The following CCDC73 variants were observed in gnomAD, a reference collection of about 807,000 sequenced individuals.
CCDC73 encodes coiled-coil domain containing 73, also known as coiled-coil domain-containing protein 73.
In CCDC73, 95 loss-of-function variants were observed where a neutral mutation model predicts 116.5. That is an observed-to-expected ratio of 0.82 (90% CI 0.69 to 0.97). The LOEUF (loss-of-function observed/expected upper bound fraction) is 0.97. Ranked by LOEUF, CCDC73 falls within the 50% of genes least tolerant of loss-of-function variation. CCDC73 has a pLI of 0.00. For synonymous variants in CCDC73, 398 were observed against 401.3 expected, an observed-to-expected ratio of 0.99 and a Z score of 0.10; for missense variants, 1,066 against 1,206.8, an observed-to-expected ratio of 0.88 and a Z score of 1.73.
At chr11:32,798,631 C>T (rs1427895964), upstream of CCDC73, among the ~76,000 whole-genome samples, 1 of 152,138 alleles carries the variant, frequency 6.6e-6, no homozygotes, top group Non-Finnish European at 1.5e-5. Flanking sequence ...ATTGTCATTA[C>T]AATTTTTAGG....
chr11:32,629,973 G>T (rs1190168611), intron 14 of CCDC73, among the ~76,000 whole-genome samples: 1 of 139,830 alleles, frequency 7.2e-6, no homozygotes, highest in Non-Finnish European at 1.5e-5. Flanking sequence ...TCAGGTTGAA[G>T]AAATATACCA....
chr11:32,814,434 A>G, the CCDC73 span, among the ~76,000 whole-genome samples: 3 of 152,212 alleles, frequency 2.0e-5, no homozygotes, highest in South Asian at 6.2e-4. Context: ...GAAAAGTGAA[A>G]TACTAGGTTT....
intron 1 of CCDC73, among the ~76,000 whole-genome samples, chr11:32,772,323 T>C (rs1415779700): frequency 6.6e-6 from 1 of 152,132 alleles, no homozygotes; most frequent in Non-Finnish European, 1.5e-5. Context: ...TTATAAGTAA[T>C]GCATTAGTCA....
chr11:32,817,961 C>A, the CCDC73 span, among the ~76,000 whole-genome samples: 1 of 152,176 alleles, frequency 6.6e-6, no homozygotes, highest in Non-Finnish European at 1.5e-5. Flanking sequence ...GATACAGTAT[C>A]TCTACATAGT....
chr11:32,619,659 G>T (rs1029865302), intron 14 of CCDC73, among the ~76,000 whole-genome samples: 2 of 122,874 alleles, frequency 1.6e-5, no homozygotes, highest in Non-Finnish European at 4.1e-5. Flanking sequence ...GGTGACAGAG[G>T]GAGACCCTGT....
intron 2 of CCDC73, among the ~76,000 whole-genome samples, chr11:32,725,016 C>T (rs1404596188): frequency 1.3e-5 from 2 of 151,924 alleles, no homozygotes; most frequent in African/African-American, 4.8e-5. Context: ...ATTATCATTA[C>T]CATTTTAGGC....
At chr11:32,726,101 A>C (rs1210188035) in intron 2 of CCDC73, among the ~76,000 whole-genome samples, 1 of 152,196 alleles carries the variant, frequency 6.6e-6, no homozygotes, top group Non-Finnish European at 1.5e-5. Context: ...CTCTAAAGAA[A>C]GTTAATACCA....
chr11:32,621,494 C>G (rs1315803342), intron 14 of CCDC73, among the ~76,000 whole-genome samples: 1 of 152,140 alleles, frequency 6.6e-6, no homozygotes, highest in Admixed American at 6.5e-5. Context: ...AACTGGACCC[C>G]TTCCTTACAC....
intron 7 of CCDC73, chr11:32,683,247 T>C: frequency 2.7e-6 from 1 of 376,392 alleles, no homozygotes; most frequent in Non-Finnish European, 4.9e-6. Context: ...TAGAGCATCA[T>C]GTTGACACTC....
At chr11:32,658,014 T>G (rs1429650293) in intron 9 of CCDC73, among the ~76,000 whole-genome samples, 3 of 76,940 alleles carry the variant, frequency 3.9e-5, no homozygotes, top group Admixed American at 1.6e-4. Context: ...CCCCCTACCC[T>G]AGTCTCTTTA....
intron 9 of CCDC73, among the ~76,000 whole-genome samples, chr11:32,656,084 C>CTTT: frequency 6.9e-6 from 1 of 145,524 alleles, no homozygotes; most frequent in South Asian, 2.2e-4. Context: ...CTTTTCTTTT[C>CTTT]TTTTTTTTTT....
Position 32,629,561 on chromosome 11 carries a change from G to A in CCDC73, c.1185+6135C>T, listed in dbSNP as rs372854706. 1.5e-3 allele frequency among the ~76,000 whole-genome samples: 224 copies of A among 151,968 alleles called. 4 individuals are homozygous for A. The highest frequency in any genetic ancestry group is 5.1e-3 in the African/African-American group (210 of 41,454). On this transcript the variant is annotated intron_variant, in intron 14 of 17. Coordinates refer to ENST00000335185, the MANE Select transcript of CCDC73 (RefSeq NM_001008391.4). ...ATTACAGGCATGCGCCACCACGCCCGGCGAATTTTTGTATTTTTAGTAGAG... is the reference window on the plus strand; with the variant it reads ...ATTACAGGCATGCGCCACCACGCCCAGCGAATTTTTGTATTTTTAGTAGAG...
At chr11:32,634,446 T>A (rs564543114) in intron 14 of CCDC73, among the ~76,000 whole-genome samples, 1 of 152,312 alleles carries the variant, frequency 6.6e-6, no homozygotes, top group South Asian at 2.1e-4. Flanking sequence ...CAAAATTTAA[T>A]GTCCTTTCAT....
At chr11:32,654,322 C>T (rs1419465602) in intron 10 of CCDC73, among the ~76,000 whole-genome samples, 1 of 152,124 alleles carries the variant, frequency 6.6e-6, no homozygotes, top group Non-Finnish European at 1.5e-5. Flanking sequence ...TACAGATGCC[C>T]ACCATTACGC....
At position 32,766,075 on chromosome 11, in the gene CCDC73, C is replaced by T. The variant is rs570889830; in HGVS notation, c.-15-5817G>A. Among the ~76,000 whole-genome samples the T allele has an allele frequency of 2.3e-3, 343 of 152,218 alleles. 2 individuals carry two copies. Among genetic ancestry groups the T allele is most frequent in the Middle Eastern group, 0.01 (3 of 294 alleles). The stretch of plus-strand genomic sequence containing the variant: ...AATCCTCCATAAAATACTGGCAAAC[C>T]GAATCCAGCAGCACATCAAAAAACT... On this transcript the variant is annotated intron_variant, in intron 1 of 17. Coordinates refer to ENST00000335185, the MANE Select transcript of CCDC73 (RefSeq NM_001008391.4).
the CCDC73 span, among the ~76,000 whole-genome samples, chr11:32,800,147 A>G: frequency 1.3e-5 from 2 of 152,220 alleles, no homozygotes; most frequent in African/African-American, 2.4e-5. Context: ...TGTATATAAT[A>G]TAGTAACATG....
chr11:32,675,728 G>C (rs1856081232), intron 8 of CCDC73, 84 bp from the exon 9 acceptor site: 7 of 1,246,774 alleles, frequency 5.6e-6, no homozygotes, highest in Non-Finnish European at 7.9e-6. Flanking sequence ...AGGGAAAACA[G>C]TAACAATGCA....
intron 1 of CCDC73, among the ~76,000 whole-genome samples, chr11:32,772,360 A>G (rs950689933): frequency 4.6e-5 from 7 of 152,256 alleles, no homozygotes; most frequent in Non-Finnish European, 7.4e-5. Flanking sequence ...AAGCAGGGGG[A>G]CTGTTCTAGA....
intron 17 of CCDC73, among the ~76,000 whole-genome samples, chr11:32,607,080 A>ATTTTT (rs759164050): frequency 6.7e-5 from 5 of 74,164 alleles, no homozygotes; most frequent in African/African-American, 1.8e-4. Flanking sequence ...CCAAAAATAA[A>ATTTTT]TTTTTTTTTT....
Sources: allele counts gnomAD v4.1 joint callset (sites outside exome capture counted in the v4.1 genomes callset), GRCh38; gene constraint gnomAD v4.1.1; transcripts MANE v1.5; gene names NCBI Gene and HGNC (gene_info 2026-07-23, HGNC 2026-07-21).